Variants in PARD3B observed in about 807,000 individuals in gnomAD.
The protein encoded by PARD3B is partitioning defective 3 homolog B.
Under a neutral mutation model 130.2 loss-of-function variants are expected in PARD3B, and 103 were observed. The observed-to-expected ratio is 0.79, with a 90% CI of 0.67 to 0.93. PARD3B has a LOEUF of 0.93. PARD3B is among the 40% of genes least tolerant of loss of function. The pLI, the probability that PARD3B is intolerant of heterozygous loss-of-function variation, is 0.00. For synonymous variants in PARD3B, 583 were observed against 553.2 expected, an observed-to-expected ratio of 1.05 and a Z score of -0.76; for missense variants, 1,609 against 1,499.2, an observed-to-expected ratio of 1.07 and a Z score of -1.21.
In PARD3B at chr2:205,440,326, A is replaced by G. The variant is rs771094501; in HGVS notation, c.2742-44A>G. 2.6e-6 allele frequency: 4 copies of G among 1,547,058 alleles called. No individual in the cohort carries two copies. Among genetic ancestry groups the G allele is most frequent in the Non-Finnish European group, 3.6e-6 (4 of 1,124,142 alleles). ...AGAGAGTATTTCATTGTATTATTAT[A>G]TGAAACTCACATACATCTTTGCTAC... On this transcript the variant is annotated intron_variant, in intron 19 of 22. Transcript: ENST00000406610. The surrounding 1 kb of genome is among the most constrained non-coding windows in gnomAD (Gnocchi z 4.2).
At chr2:204,653,771 G>A (rs1342323385) in intron 1 of PARD3B, among the ~76,000 whole-genome samples, 2 of 135,582 alleles carry the variant, frequency 1.5e-5, no homozygotes, top group African/African-American at 3.1e-5. Context: ...GGGTGATGGA[G>A]CAAGACTCTG....
intron 18 of PARD3B, among the ~76,000 whole-genome samples, chr2:205,312,467 A>T (rs910126134): frequency 1.3e-5 from 2 of 152,238 alleles, no homozygotes; most frequent in Non-Finnish European, 2.9e-5. Flanking sequence ...AGACGGCTGC[A>T]TACACTGAGA....
At chr2:204,592,116 C>T (rs190251996) in intron 1 of PARD3B, among the ~76,000 whole-genome samples, 1 of 152,382 alleles carries the variant, frequency 6.6e-6, no homozygotes, top group Admixed American at 6.5e-5. Context: ...AAACTGGTGA[C>T]CCCTCAGTGA....
chr2:205,555,264 T>G (rs1233451388), intron 22 of PARD3B, among the ~76,000 whole-genome samples: 1 of 152,124 alleles, frequency 6.6e-6, no homozygotes, highest in Non-Finnish European at 1.5e-5. Context: ...TTTCACTCAT[T>G]CATTCATTCA....
chr2:205,344,007 G>A (rs2043648141), intron 18 of PARD3B, among the ~76,000 whole-genome samples: 1 of 152,100 alleles, frequency 6.6e-6, no homozygotes. Context: ...ACAGCAAGGA[G>A]GCTATTTTCT....
intron 18 of PARD3B, among the ~76,000 whole-genome samples, chr2:205,315,386 A>G (rs1360701152): frequency 6.6e-6 from 1 of 152,218 alleles, no homozygotes. Flanking sequence ...TTCTTAAAAC[A>G]TAATCCATTC....
chr2:205,313,652 G>T (rs2042466729), intron 18 of PARD3B, among the ~76,000 whole-genome samples: 1 of 152,104 alleles, frequency 6.6e-6, no homozygotes, highest in Admixed American at 6.6e-5. Flanking sequence ...CTCCTAATAT[G>T]CGTGCACAGC....
In PARD3B at chr2:205,185,861, C is replaced by T. The variant is rs369281184; in HGVS notation, c.2022C>T (p.His674=). 6 of 1,609,788 alleles carry T rather than the reference C, an allele frequency of 3.7e-6. No individual in the cohort carries two copies. Among genetic ancestry groups the T allele is most frequent in the South Asian group, 2.2e-5 (2 of 90,990 alleles). Reference sequence around the variant, plus strand: ...GATTGGGCCTCGAAGATTACAGCCACAGGTATTGATAAAATGATGTATCGT... The same window carrying T: ...GATTGGGCCTCGAAGATTACAGCCATAGGTATTGATAAAATGATGTATCGT... The part of the protein sequence containing the change: ...ALGLGLEDYS[H]SSGVDSAVYF... Residue 674 remains histidine, a splice_region_variant and synonymous_variant, in exon 14 of 23, where the codon CAC becomes CAT. Coordinates refer to ENST00000406610, the MANE Select transcript of PARD3B (RefSeq NM_001302769.2).
At chr2:205,153,777 C>A (rs1284795555) in intron 10 of PARD3B, among the ~76,000 whole-genome samples, 1 of 152,106 alleles carries the variant, frequency 6.6e-6, no homozygotes. Context: ...ACAAACCTGA[C>A]AAAAACAAGA....
At chr2:204,598,714 TA>T (rs1377840873) in intron 1 of PARD3B, among the ~76,000 whole-genome samples, 1 of 152,100 alleles carries the variant, frequency 6.6e-6, no homozygotes, top group Non-Finnish European at 1.5e-5. Flanking sequence ...CAATTTGTTT[TA>T]AATTTTTCAC....
chr2:204,771,943 A>C (rs537693525), intron 2 of PARD3B, among the ~76,000 whole-genome samples: 75 of 152,174 alleles, frequency 4.9e-4, no homozygotes, highest in African/African-American at 1.8e-3. Flanking sequence ...TTTATGCACT[A>C]GTCTTTTTCT....
In PARD3B at chr2:205,581,424, TAA is replaced by T. The variant is rs1182406673; in HGVS notation, c.3260+28023_3260+28024del. ...ATATATATAAGTATATATAAATATA[TAA>T]ATATATATAAATATATATAAATATA... On this transcript the variant is annotated intron_variant, in intron 22 of 22. Transcript: ENST00000406610. 8.1e-3 allele frequency among the ~76,000 whole-genome samples: 1,159 copies of T among 143,504 alleles called. 17 individuals carry two copies. The highest frequency in any genetic ancestry group is 0.028 in the African/African-American group (1,091 of 39,174). 94.1% of individuals were successfully genotyped at this position (143,504 alleles called of 152,430 possible).
chr2:204,939,292 T>C (rs1394787052), intron 2 of PARD3B, among the ~76,000 whole-genome samples: 1 of 152,228 alleles, frequency 6.6e-6, no homozygotes, highest in African/African-American at 2.4e-5. Context: ...AGACTGTTTT[T>C]AATACCTCAC....
intron 3 of PARD3B, among the ~76,000 whole-genome samples, chr2:204,975,637 C>T (rs992871854): frequency 1.3e-5 from 2 of 152,134 alleles, no homozygotes; most frequent in African/African-American, 4.8e-5. Flanking sequence ...TGATTGGAAA[C>T]CCATTGATGA....
chr2:205,094,437 G>A (rs941336089), intron 4 of PARD3B, among the ~76,000 whole-genome samples: 10 of 152,012 alleles, frequency 6.6e-5, no homozygotes, highest in Admixed American at 6.6e-5. Flanking sequence ...GAACTAAGAT[G>A]GCTTGTCAAT....
At chr2:204,838,349 A>ATGTGTGTGTGTGTGTG (rs55688873) in intron 2 of PARD3B, among the ~76,000 whole-genome samples, 35 of 135,428 alleles carry the variant, frequency 2.6e-4, no homozygotes, top group African/African-American at 8.9e-4. Flanking sequence ...TACCTGGCTA[A>ATGTGTGTGTGTGTGTG]TGTGTGTGTG....
intron 2 of PARD3B, among the ~76,000 whole-genome samples, chr2:204,832,939 T>G (rs1337560623): frequency 2.0e-5 from 3 of 152,204 alleles, no homozygotes. Flanking sequence ...AGAACGAATA[T>G]GCTTTGAAAC....
intron 1 of PARD3B, among the ~76,000 whole-genome samples, chr2:204,604,370 A>C (rs2033630981): frequency 6.6e-6 from 1 of 152,186 alleles, no homozygotes; most frequent in Non-Finnish European, 1.5e-5. Flanking sequence ...TACAATCTGC[A>C]GTCTGTGTGG....
intron 2 of PARD3B, among the ~76,000 whole-genome samples, chr2:204,855,470 A>C (rs2044889210): frequency 6.6e-6 from 1 of 151,770 alleles, no homozygotes; most frequent in Non-Finnish European, 1.5e-5. Flanking sequence ...TGAACCCAGG[A>C]GGCAGAGGTT....
Sources: gnomAD v4.1 joint callset for allele counts (sites outside exome capture counted in the v4.1 genomes callset) on GRCh38, gnomAD v4.1.1 for gene constraint, Gnocchi (gnomAD v3.1) non-coding constraint, MANE v1.5 for transcripts, NCBI Gene and HGNC (gene_info 2026-07-23, HGNC 2026-07-21) for gene names.